The following RIMBP2 variants were observed in gnomAD, a reference collection of about 807,000 sequenced individuals.
The protein encoded by RIMBP2 is RIMS-binding protein 2.
A neutral mutation model predicts 118.6 loss-of-function variants in RIMBP2; 48 were observed. The ratio of observed to expected loss-of-function variants is 0.40; its 90% CI spans 0.32 to 0.51. The LOEUF (loss-of-function observed/expected upper bound fraction) is 0.51. Ranked by LOEUF, RIMBP2 falls within the 20% of genes least tolerant of loss-of-function variation. The probability of loss-of-function intolerance (pLI) is 0.41; values close to 1 mark genes in which losing one functional copy is unlikely to be tolerated. For missense variants in RIMBP2, 1,551 were observed against 1,768.3 expected, an observed-to-expected ratio of 0.88 and a Z score of 2.20; for synonymous variants, 762 against 742.9, an observed-to-expected ratio of 1.03 and a Z score of -0.42.
chr12:130,636,140 C>G (rs569730503), intron 1 of RIMBP2, among the ~76,000 whole-genome samples: 2 of 152,320 alleles, frequency 1.3e-5, no homozygotes, highest in East Asian at 3.9e-4. Context: ...TCGGCCAGAC[C>G]TCACACTCGC....
At chr12:130,460,447 C>T (rs147920132) in intron 6 of RIMBP2, among the ~76,000 whole-genome samples, 26 of 152,276 alleles carry the variant, frequency 1.7e-4, no homozygotes, top group African/African-American at 5.8e-4. Flanking sequence ...AGAGCATTAA[C>T]AGCAGTGGTA....
In RIMBP2 at chr12:130,424,087, G is replaced by T; in HGVS notation, c.3129+55C>A. The T allele has an allele frequency of 1.1e-6, 1 of 946,690 alleles. No individual in the cohort carries two copies. Among genetic ancestry groups the T allele is most frequent in the Non-Finnish European group, 1.4e-6 (1 of 727,290 alleles). The allele number at this position is 946,690 out of a possible 1,614,324, so 58.6% of individuals were successfully genotyped here. On this transcript the variant is annotated intron_variant, in intron 16 of 22. Coordinates refer to ENST00000690449, the MANE Select transcript of RIMBP2 (RefSeq NM_001393629.1). This position sits in a 1 kb window ranked among gnomAD's most constrained non-coding sequence, Gnocchi z 9.8. ...AGAACAAACAGAAAACCAGTGAAAG[G>T]ATGGGACAGATTGGTTTGGCAAGCG...
At chr12:130,465,770 G>C (rs747811487) in intron 6 of RIMBP2, 1 of 152,492 alleles carries the variant, frequency 6.6e-6, no homozygotes, top group Middle Eastern at 3.4e-3. Flanking sequence ...GAATACCAGC[G>C]GGTGAAGATG....
At chr12:130,595,672 G>A (rs1429408406) in intron 2 of RIMBP2, among the ~76,000 whole-genome samples, 1 of 52,038 alleles carries the variant, frequency 1.9e-5, no homozygotes, top group African/African-American at 5.1e-5. Flanking sequence ...AAGAGCCTGT[G>A]TGAGAACAAT....
intron 2 of RIMBP2, among the ~76,000 whole-genome samples, chr12:130,552,725 A>G (rs2139747076): frequency 6.6e-6 from 1 of 152,298 alleles, no homozygotes; most frequent in Non-Finnish European, 1.5e-5. Context: ...TTTTGTCTGC[A>G]TTGATCATAG....
At chr12:130,454,065 C>A (rs1052433920) in intron 7 of RIMBP2, among the ~76,000 whole-genome samples, 1 of 144,386 alleles carries the variant, frequency 6.9e-6, no homozygotes, top group African/African-American at 2.9e-5. Flanking sequence ...AAAAACAAAA[C>A]ACAAAAAACA....
chr12:130,507,334 C>T (rs1341322194), intron 3 of RIMBP2, among the ~76,000 whole-genome samples: 1 of 152,216 alleles, frequency 6.6e-6, no homozygotes, highest in Non-Finnish European at 1.5e-5. Context: ...CAAGCTGAGC[C>T]TGAAGCTAAT....
chr12:130,580,801 G>A (rs142068889), intron 2 of RIMBP2, among the ~76,000 whole-genome samples: 2,876 of 151,958 alleles, frequency 0.019, 32 homozygotes, highest in African/African-American at 0.027. Context: ...TTAGCTGGGC[G>A]TGGTGGTGGG....
chr12:130,525,873 A>AAGGAATAGC lies in RIMBP2; in HGVS notation c.-216-7957_-216-7956insGCTATTCCT, dbSNP rs1267497688. ...AGACATTCTTGCTATCCTGCTTGTC[A>AAGGAATAGC]AGGGAAGAAATTCAAGCTCAAGGAG... On this transcript the variant is annotated intron_variant, in intron 2 of 22. Transcript: ENST00000690449. The surrounding 1 kb of genome is among the most constrained non-coding windows in gnomAD (Gnocchi z 4.4). Among the ~76,000 whole-genome samples the AAGGAATAGC allele has an allele frequency of 1.6e-4, 25 of 152,072 alleles. No individual in the cohort carries two copies. Among genetic ancestry groups the AAGGAATAGC allele is most frequent in the Non-Finnish European group, 2.8e-4 (19 of 68,032 alleles).
At chr12:130,595,777 C>G (rs1476937683) in intron 2 of RIMBP2, among the ~76,000 whole-genome samples, 1 of 152,180 alleles carries the variant, frequency 6.6e-6, no homozygotes, top group African/African-American at 2.4e-5. Context: ...GGCAAACGCC[C>G]TGTGCCAGGG....
rs33963621 is a variant in RIMBP2, at chr12:130,699,904, TAAAA to T, written c.-352+16314_-352+16317del. ...TGGGTGATGGTGTGAGACTCTGTCT[TAAAA>T]AAAAAAAAAAAAAAAAAAAAAGAAA... On this transcript the variant is annotated intron_variant, in intron 1 of 22. Transcript: ENST00000690449. 8.1e-3 allele frequency among the ~76,000 whole-genome samples: 695 copies of T among 85,652 alleles called. 12 individuals are homozygous for T. The highest frequency in any genetic ancestry group is 0.025 in the African/African-American group (667 of 26,242). 56.2% of individuals were successfully genotyped at this position (85,652 alleles called of 152,430 possible).
chr12:130,480,291 C>G (rs529461294), intron 4 of RIMBP2, among the ~76,000 whole-genome samples: 1 of 151,680 alleles, frequency 6.6e-6, no homozygotes, highest in Admixed American at 6.6e-5. Context: ...TATAAAAGAC[C>G]AGATTCCTTC....
rs146532942 is a variant in RIMBP2 at position 130,543,691 on chromosome 12, G to A, written c.-216-25774C>T. 7.3e-3 allele frequency among the ~76,000 whole-genome samples: 1,107 copies of A among 151,576 alleles called. 10 individuals carry two copies. Among genetic ancestry groups the A allele is most frequent in the African/African-American group, 0.025 (1,019 of 41,290 alleles). ...TCCCCCAGTTCTACAGGAACCCAAC[G>A]AGACAGCACAATGACACCACATGAA... On this transcript the variant is annotated intron_variant, in intron 2 of 22. Coordinates refer to ENST00000690449, the MANE Select transcript of RIMBP2 (RefSeq NM_001393629.1).
chr12:130,692,737 T>G (rs1435925176), intron 1 of RIMBP2, among the ~76,000 whole-genome samples: 1 of 148,706 alleles, frequency 6.7e-6, no homozygotes, highest in Non-Finnish European at 1.5e-5. Context: ...GTGGAATAGG[T>G]GGAATGGGGT....
intron 2 of RIMBP2, among the ~76,000 whole-genome samples, chr12:130,548,450 CA>C (rs2055383725): frequency 6.6e-6 from 1 of 152,194 alleles, no homozygotes; most frequent in Non-Finnish European, 1.5e-5. Flanking sequence ...CCCAGCTTAT[CA>C]GGCTACAAAA....
chr12:130,704,479 G>C (rs933228319), intron 1 of RIMBP2, among the ~76,000 whole-genome samples: 1 of 152,096 alleles, frequency 6.6e-6, no homozygotes, highest in Non-Finnish European at 1.5e-5. Flanking sequence ...GGAGGCTGAG[G>C]CAGGAGAATC....
At position 130,703,326 on chromosome 12, in the gene RIMBP2, C is replaced by T. The variant is rs2065950794; in HGVS notation, c.-352+12896G>A. ...CAGTTTCCTGCACTTATTATGAAGCCTGCCCAAGAATCCCTAATTCACTAA... is the reference window on the plus strand; with the variant it reads ...CAGTTTCCTGCACTTATTATGAAGCTTGCCCAAGAATCCCTAATTCACTAA... On this transcript the variant is annotated intron_variant, in intron 1 of 22. Transcript: ENST00000690449. This position sits in a 1 kb window ranked among gnomAD's most constrained non-coding sequence, Gnocchi z 5.7. Among the ~76,000 whole-genome samples, 1 of 152,196 alleles carries T rather than the reference C, an allele frequency of 6.6e-6. No homozygotes were observed. The highest frequency in any genetic ancestry group is 6.5e-5 in the Admixed American group (1 of 15,288).
chr12:130,695,676 C>T (rs905375382), intron 1 of RIMBP2, among the ~76,000 whole-genome samples: 21 of 152,160 alleles, frequency 1.4e-4, no homozygotes, highest in African/African-American at 4.8e-4. Context: ...TCAAAAAGAT[C>T]AACCCCTGTT....
chr12:130,700,737 C>T, intron 1 of RIMBP2, among the ~76,000 whole-genome samples: 1 of 152,208 alleles, frequency 6.6e-6, no homozygotes. Context: ...TTGTTTTAAG[C>T]CCCCTAGTTC....
Sources: allele counts gnomAD v4.1 joint callset (sites outside exome capture counted in the v4.1 genomes callset), GRCh38; gene constraint gnomAD v4.1.1; non-coding constraint Gnocchi (gnomAD v3.1); transcripts MANE v1.5; gene names NCBI Gene and HGNC (gene_info 2026-07-23, HGNC 2026-07-21).